Variants in CHODL observed in about 807,000 individuals in gnomAD.
CHODL encodes transmembrane protein MT75.
Under a neutral mutation model 34.5 loss-of-function variants are expected in CHODL, and 29 were observed. The observed-to-expected ratio is 0.84, with a 90% CI of 0.63 to 1.15. The LOEUF (loss-of-function observed/expected upper bound fraction) is 1.15. Among genes scored for constraint, CHODL ranks in the 50% most tolerant of loss-of-function variants. CHODL has a pLI of 0.00. For synonymous variants in CHODL, 125 were observed against 116.1 expected, an observed-to-expected ratio of 1.08 and a Z score of -0.49; for missense variants, 332 against 332.5, an observed-to-expected ratio of 1.00 and a Z score of 0.01.
intron 1 of CHODL, among the ~76,000 whole-genome samples, chr21:17,960,529 TGA>T (rs2063524456): frequency 6.6e-6 from 1 of 152,178 alleles, no homozygotes; most frequent in Non-Finnish European, 1.5e-5. Flanking sequence ...TTGATACCAT[TGA>T]GTGCTCCTTG....
At chr21:18,048,149 G>T (rs2064467869) in intron 2 of CHODL, among the ~76,000 whole-genome samples, 1 of 151,844 alleles carries the variant, frequency 6.6e-6, no homozygotes, top group Non-Finnish European at 1.5e-5. Context: ...AGTGAAAGAG[G>T]CCAAACTAAA....
intron 2 of CHODL, among the ~76,000 whole-genome samples, chr21:18,079,066 T>C (rs971282973): frequency 1.3e-5 from 2 of 152,176 alleles, no homozygotes; most frequent in African/African-American, 4.8e-5. Context: ...GCTTTTAGTA[T>C]ACCCATCACC....
rs150651409 is a variant in CHODL, at chr21:18,042,696, G to A, written c.-45+14725G>A. Among the ~76,000 whole-genome samples the A allele has an allele frequency of 3.8e-4, 58 of 151,958 alleles. 1 individual carries two copies. In the East Asian group the frequency reaches 5.3e-3, roughly 14 times the overall value. On this transcript the variant is annotated intron_variant, in intron 2 of 6. Coordinates refer to the CHODL transcript ENST00000400127. Reference sequence around the variant, plus strand: ...TTATGTTTCTCACATCACTTGATGTGCATAAACTTTCAGGTAAAATATTTT... The same window carrying A: ...TTATGTTTCTCACATCACTTGATGTACATAAACTTTCAGGTAAAATATTTT...
chr21:18,218,919 A>G (rs186065982), intron 2 of CHODL, among the ~76,000 whole-genome samples: 1 of 152,140 alleles, frequency 6.6e-6, no homozygotes, highest in East Asian at 1.9e-4. Flanking sequence ...GCTATTTAAC[A>G]AGTCTCTAGG....
At chr21:17,993,559 A>G (rs535067221) in intron 1 of CHODL, among the ~76,000 whole-genome samples, 17 of 152,272 alleles carry the variant, frequency 1.1e-4, no homozygotes, top group Admixed American at 2.6e-4. Context: ...ATTCTTTTTT[A>G]TGGTTACATA....
At position 18,245,018 on chromosome 21, in the gene CHODL, C is replaced by A; in HGVS notation, c.-206C>A. On this transcript the variant is annotated 5_prime_UTR_variant, in exon 1 of 6. Coordinates refer to ENST00000299295, the MANE Select transcript of CHODL (RefSeq NM_024944.3). ...ACCCTCGAAGTCTTGAACTCCAGCC[C>A]CGCACATCCACGCGCGGCACAGGCG... 1 of 476,850 alleles carries A rather than the reference C, an allele frequency of 2.1e-6. No individual in the cohort carries two copies. The highest frequency in any genetic ancestry group is 3.6e-6 in the Non-Finnish European group (1 of 274,338). The allele number at this position is 476,850 out of a possible 1,614,324, so 29.5% of individuals were successfully genotyped here.
At chr21:18,031,629 A>G (rs1458362461) in intron 2 of CHODL, among the ~76,000 whole-genome samples, 2 of 152,078 alleles carry the variant, frequency 1.3e-5, no homozygotes, top group East Asian at 1.9e-4. Context: ...TAAATGCTAC[A>G]GGTATAACTG....
chr21:18,088,224 G>T (rs1311362856), intron 2 of CHODL, among the ~76,000 whole-genome samples: 1 of 152,142 alleles, frequency 6.6e-6, no homozygotes, highest in Non-Finnish European at 1.5e-5. Context: ...TAGGCATGTA[G>T]TATGGGCAAG....
intron 2 of CHODL, among the ~76,000 whole-genome samples, chr21:18,160,723 C>T (rs2146642367): frequency 6.6e-6 from 1 of 152,224 alleles, no homozygotes; most frequent in East Asian, 1.9e-4. Context: ...TTTCTTTATC[C>T]AGTCTATCAT....
At chr21:18,022,994 C>A (rs1002710441) in intron 1 of CHODL, among the ~76,000 whole-genome samples, 1 of 152,138 alleles carries the variant, frequency 6.6e-6, no homozygotes, top group Non-Finnish European at 1.5e-5. Flanking sequence ...ACATGTTAAG[C>A]TGGTAACGGC....
At chr21:18,193,820 C>A (rs1360352284) in intron 2 of CHODL, among the ~76,000 whole-genome samples, 1 of 152,028 alleles carries the variant, frequency 6.6e-6, no homozygotes. Context: ...TACAATGGTT[C>A]CAAACTTTCT....
At chr21:17,923,175 T>C (rs1232874766) in intron 1 of CHODL, among the ~76,000 whole-genome samples, 2 of 152,208 alleles carry the variant, frequency 1.3e-5, no homozygotes, top group Non-Finnish European at 2.9e-5. Context: ...TAGTCCCAGC[T>C]TGACTTTTCC....
intron 1 of CHODL, among the ~76,000 whole-genome samples, chr21:17,940,130 C>T (rs543688738): frequency 6.6e-6 from 1 of 152,320 alleles, no homozygotes; most frequent in African/African-American, 2.4e-5. Flanking sequence ...ATATGTGGTT[C>T]CACGGTCTGG....
chr21:18,106,083 G>C (rs560128502), intron 2 of CHODL, among the ~76,000 whole-genome samples: 1 of 152,284 alleles, frequency 6.6e-6, no homozygotes, highest in African/African-American at 2.4e-5. Context: ...TGGTCCAGTT[G>C]GGGTCTTTGG....
chr21:18,112,386 A>T lies in CHODL; in HGVS notation c.-45+84415A>T, dbSNP rs557278137. Among the ~76,000 whole-genome samples, 16 of 152,264 alleles carry T rather than the reference A, an allele frequency of 1.1e-4. No individual in the cohort carries two copies. In the South Asian group the frequency reaches 3.3e-3, roughly 32 times the overall value. On this transcript the variant is annotated intron_variant, in intron 2 of 6. Transcript: ENST00000400127. Reference sequence around the variant, plus strand: ...TGCAATCTCTATCAAAATACCAATGACATTCTTGACAAAAATTGAAAAAAA... The same window carrying T: ...TGCAATCTCTATCAAAATACCAATGTCATTCTTGACAAAAATTGAAAAAAA...
chr21:18,095,114 A>G (rs1212235825), intron 2 of CHODL, among the ~76,000 whole-genome samples: 2 of 130,546 alleles, frequency 1.5e-5, no homozygotes, highest in Non-Finnish European at 3.6e-5. Flanking sequence ...ACAGATTGAG[A>G]CTTTGTCTCA....
At chr21:18,236,634 T>C (rs933507744) in intron 2 of CHODL, among the ~76,000 whole-genome samples, 1 of 152,080 alleles carries the variant, frequency 6.6e-6, no homozygotes, top group Non-Finnish European at 1.5e-5. Flanking sequence ...ATTATAATGA[T>C]GCAGCTCAGA....
At chr21:18,107,682 G>C (rs1884771517) in intron 2 of CHODL, among the ~76,000 whole-genome samples, 1 of 152,178 alleles carries the variant, frequency 6.6e-6, no homozygotes, top group Non-Finnish European at 1.5e-5. Context: ...CTCCCACTGG[G>C]TAGAACCTTG....
intron 2 of CHODL, among the ~76,000 whole-genome samples, chr21:18,181,042 G>A (rs954133947): frequency 6.6e-6 from 1 of 152,090 alleles, no homozygotes; most frequent in Non-Finnish European, 1.5e-5. Flanking sequence ...ACTAGTCAAT[G>A]TTACTAATAT....
Sources: allele counts gnomAD v4.1 joint callset (sites outside exome capture counted in the v4.1 genomes callset), GRCh38; gene constraint gnomAD v4.1.1; transcripts MANE v1.5; gene names NCBI Gene and HGNC (gene_info 2026-07-23, HGNC 2026-07-21).